AARS2: variants seen among roughly 807,000 people sequenced by gnomAD.
The protein encoded by AARS2 is alanine--tRNA ligase, mitochondrial.
Under a neutral mutation model 119.7 loss-of-function variants are expected in AARS2, and 78 were observed. The ratio of observed to expected loss-of-function variants is 0.65; its 90% CI spans 0.54 to 0.79. The LOEUF is 0.79. AARS2 is among the 30% of genes least tolerant of loss of function. AARS2 has a pLI of 0.00. For synonymous variants in AARS2, 502 were observed against 526.3 expected (o/e 0.95, Z 0.63); for missense variants, 1,157 against 1,291.3 (o/e 0.90, Z 1.59).
intron 5 of AARS2, among the ~76,000 whole-genome samples, chr6:44,308,037 C>A (rs567695206): frequency 6.6e-6 from 1 of 152,202 alleles, no homozygotes; most frequent in Non-Finnish European, 1.5e-5. Flanking sequence ...TTCCCCTACC[C>A]GTCATGATCC....
At position 44,311,953 on chromosome 6, in the gene AARS2, C is replaced by G. The variant is rs1057185279; in HGVS notation, c.435+119G>C. ...GGAGGTGAGGTAATTCCTGTTACAC[C>G]GGCTCAACTAGCACTTTGCCTCCAC... On this transcript the variant is annotated intron_variant, in intron 2 of 21. Coordinates refer to ENST00000244571, the MANE Select transcript of AARS2 (RefSeq NM_020745.4). 3 of 1,237,208 alleles carry G rather than the reference C, an allele frequency of 2.4e-6. No individual in the cohort carries two copies. The Admixed American group carries it at 5.0e-5, about 21-fold the overall frequency. The allele number at this position is 1,237,208 out of a possible 1,614,324, so 76.6% of individuals were successfully genotyped here.
chr6:44,301,569 C>G (rs1415207870), intron 19 of AARS2, 105 bp from the exon 20 acceptor site: 6 of 1,113,858 alleles, frequency 5.4e-6, no homozygotes, highest in Non-Finnish European at 8.0e-6. Flanking sequence ...CTGCTTCCCC[C>G]ACCCACCCCA....
Position 44,304,652 on chromosome 6 carries a change from C to T in AARS2, c.1745G>A (p.Gly582Glu). 1 of 1,614,202 alleles carries T rather than the reference C, an allele frequency of 6.2e-7. No individual in the cohort carries two copies. The highest frequency in any genetic ancestry group is 8.5e-7 in the Non-Finnish European group (1 of 1,180,054). Residue 582 changes from glycine (G) to glutamate (E), a missense_variant, in exon 12 of 22, where the codon GGG (glycine) becomes GAG (glutamate). By Grantham distance (98) the Gly-to-Glu change is moderately conservative (BLOSUM62 -2). Coordinates refer to ENST00000244571, the MANE Select transcript of AARS2 (RefSeq NM_020745.4). The part of the protein sequence containing the change: ...ASDRGYLVRA[G>E]QEDVLFPVAR... ...GTTGTGATGGAGACTCACCTCTTGC[C>T]CTGCCCGCACCAGGTAGCCACGGTC...
At chr6:44,312,039 T>C (rs1176698332) in intron 2 of AARS2, 33 bp downstream of exon 2, 2 of 1,609,868 alleles carry the variant, frequency 1.2e-6, no homozygotes, top group African/African-American at 1.3e-5. Context: ...ATTGACTCCC[T>C]TCTTGGCTGA....
rs1222513092 is a variant in AARS2 at position 44,305,037 on chromosome 6, T to G, written c.1579+17A>C. ...TCAGGCAAGCTTGTGGCGGCAGGCC[T>G]TGGTCCAGGCTCTCACCATAACTTC... On this transcript the variant is annotated intron_variant, in intron 11 of 21. Coordinates refer to ENST00000244571, the MANE Select transcript of AARS2 (RefSeq NM_020745.4). This position sits in a 1 kb window ranked among gnomAD's most constrained non-coding sequence, Gnocchi z 4.6. 6.2e-7 allele frequency: 1 copy of G among 1,613,984 alleles called. No individual in the cohort carries two copies. The highest frequency in any genetic ancestry group is 8.5e-7 in the Non-Finnish European group (1 of 1,180,022).
chr6:44,301,359 G>A, intron 20 of AARS2, 22 bp downstream of exon 20: 9 of 1,613,874 alleles, frequency 5.6e-6, no homozygotes, highest in Non-Finnish European at 7.6e-6. Flanking sequence ...CCCTGGGGCA[G>A]CCCGGCTTGG....
intron 5 of AARS2, among the ~76,000 whole-genome samples, chr6:44,309,981 A>G (rs377652386): frequency 2.0e-5 from 3 of 152,122 alleles, no homozygotes; most frequent in Non-Finnish European, 4.4e-5. Flanking sequence ...TTGATTGTCT[A>G]TCTCTCATGC....
Position 44,302,507 on chromosome 6 carries a change from C to T in AARS2, c.2371G>A (p.Glu791Lys), listed in dbSNP as rs1407477019. The T allele has an allele frequency of 2.5e-6, 4 of 1,614,082 alleles. No individual in the cohort carries two copies. The highest frequency in any genetic ancestry group is 3.4e-6 in the Non-Finnish European group (4 of 1,180,018). ...VTGEQAQQAR[E>K]LGQSLAQEVK... The stretch of plus-strand genomic sequence containing the variant: ...TCCTGGGCCAGGCTCTGGCCTAGCT[C>T]TCGGGCCTGCAGGGAGGGGACAGGA... The change falls in exon 18 of 22, where the codon GAG (glutamate) becomes AAG (lysine). Residue 791 changes from glutamate to lysine, a missense_variant. Physicochemically the swap from Glu to Lys is moderately conservative, Grantham distance 56. Coordinates refer to ENST00000244571, the MANE Select transcript of AARS2 (RefSeq NM_020745.4).
rs147804871 is a variant in AARS2 at position 44,309,767 on chromosome 6, C to T, written c.894+532G>A. Among the ~76,000 whole-genome samples, 250 of 152,218 alleles carry T rather than the reference C, an allele frequency of 1.6e-3. 1 individual carries two copies. Among genetic ancestry groups the T allele is most frequent in the Middle Eastern group, 6.8e-3 (2 of 294 alleles). Reference sequence around the variant, plus strand: ...TCCATCAGTACCAAGGCCCTTGGTACCTGCTGTCCCCTCTGCCTGGAAAGA... The same window carrying T: ...TCCATCAGTACCAAGGCCCTTGGTATCTGCTGTCCCCTCTGCCTGGAAAGA... On this transcript the variant is annotated intron_variant, in intron 5 of 21. Coordinates refer to ENST00000244571, the MANE Select transcript of AARS2 (RefSeq NM_020745.4).
rs1309379764 is a variant in AARS2, at chr6:44,304,440, C to T, written c.1846G>A (p.Val616Met). 62 of 1,614,070 alleles carry T rather than the reference C, an allele frequency of 3.8e-5. No individual in the cohort carries two copies. The highest frequency in any genetic ancestry group is 5.1e-5 in the Non-Finnish European group (60 of 1,180,032). Residue 616 changes from valine (V) to methionine (M), a missense_variant, in exon 13 of 22, where the codon GTG (valine) becomes ATG (methionine). By Grantham distance (21) the Val-to-Met change is conservative. Transcript: ENST00000244571. ...APECLRLGDQ[V>M]QLHVDEAWRL... ...CTTACCTCATCCACATGCAGCTGCA[C>T]CTGGTCCCCTAACCGCAGGCACTCA...
At position 44,302,129 on chromosome 6, in the gene AARS2, C is replaced by A; in HGVS notation, c.2529G>T (p.Glu843Asp). ...TAVMPQWQRR[E>D]LLATVKMLQR... ...GCAGCATCTTCACTGTGGCCAGCAG[C>A]TCCCGCCGCTGCCACTGGGGCATCA... Residue 843 changes from glutamate to aspartate, a missense_variant, in exon 19 of 22, where the codon GAG becomes GAT. By Grantham distance (45) the Glu-to-Asp change is conservative. Transcript: ENST00000244571. 1.2e-6 allele frequency: 2 copies of A among 1,613,190 alleles called. No homozygotes were observed. Among genetic ancestry groups the A allele is most frequent in the South Asian group, 1.1e-5 (1 of 91,088 alleles).
intron 5 of AARS2, among the ~76,000 whole-genome samples, chr6:44,308,407 C>T (rs942654289): frequency 2.0e-5 from 3 of 151,980 alleles, no homozygotes; most frequent in East Asian, 2.0e-4. Context: ...GGTGTGTTGG[C>T]GGGTGCCTGT....
At chr6:44,312,509 G>C (rs1164521371) in intron 1 of AARS2, among the ~76,000 whole-genome samples, 1 of 152,152 alleles carries the variant, frequency 6.6e-6, no homozygotes, top group African/African-American at 2.4e-5. Flanking sequence ...AAATAGGCAA[G>C]GTAAAAGAAG....
In AARS2 at chr6:44,313,143, A is replaced by T. The variant is rs1290666174; in HGVS notation, c.181T>A (p.Ser61Thr). 2 of 1,611,352 alleles carry T rather than the reference A, an allele frequency of 1.2e-6. No homozygotes were observed. The highest frequency in any genetic ancestry group is 1.7e-4 in the Middle Eastern group (1 of 6,052). Residue 61 changes from serine to threonine, a missense_variant, in exon 1 of 22, where the codon TCC (serine) becomes ACC (threonine). By Grantham distance (58) the Ser-to-Thr change is moderately conservative (BLOSUM62 1). Coordinates refer to ENST00000244571, the MANE Select transcript of AARS2 (RefSeq NM_020745.4). ...TCGCCGCGGGGCCGCACGGAAGCGG[A>T]GGGCACCAGCCGGTGGCCATGGCGG... ...RDRHGHRLVP[S>T]ASVRPRGDPS...
At chr6:44,301,898 G>T (rs1380070653) in intron 19 of AARS2, among the ~76,000 whole-genome samples, 162 bp downstream of exon 19, 1 of 151,812 alleles carries the variant, frequency 6.6e-6, no homozygotes, top group Non-Finnish European at 1.5e-5. Flanking sequence ...AGAAGTGGGG[G>T]AATGGCCTGG....
At position 44,307,075 on chromosome 6, in the gene AARS2, G is replaced by T. The variant is rs773499483; in HGVS notation, c.1041-44C>A. 2.5e-6 allele frequency: 4 copies of T among 1,607,916 alleles called. No homozygotes were observed. The highest frequency in any genetic ancestry group is 3.4e-6 in the Non-Finnish European group (4 of 1,174,920). On this transcript the variant is annotated intron_variant, in intron 6 of 21. Coordinates refer to ENST00000244571, the MANE Select transcript of AARS2 (RefSeq NM_020745.4). The surrounding 1 kb of genome is among the most constrained non-coding windows in gnomAD (Gnocchi z 4.4). ...CAGACATGAATCCCCAGCGGCTCAT[G>T]GTCAGCAATATGGGGAGTGGGAAGG... is the stretch of plus-strand genomic sequence containing the variant.
At position 44,305,707 on chromosome 6, in the gene AARS2, T is replaced by G; in HGVS notation, c.1380A>C (p.Lys460Asn). 1 of 1,614,118 alleles carries G rather than the reference T, an allele frequency of 6.2e-7. No homozygotes were observed. The highest frequency in any genetic ancestry group is 8.5e-7 in the Non-Finnish European group (1 of 1,180,008). Residue 460 changes from lysine (K) to asparagine (N), a missense_variant, in exon 10 of 22, where the codon AAA (lysine) becomes AAC (asparagine). Transcript: ENST00000244571. The surrounding 1 kb of genome is among the most constrained non-coding windows in gnomAD (Gnocchi z 4.6). ...GTCCAGCGGAGTCTAGCTGGACCCCTTTCTCCTCCAGCATCAGCTCTACCA... is the reference window on the plus strand; with the variant it reads ...GTCCAGCGGAGTCTAGCTGGACCCCGTTCTCCTCCAGCATCAGCTCTACCA... ...LDMVELMLEEKGVQLDSAGLE... is the reference protein window; with the variant it reads ...LDMVELMLEENGVQLDSAGLE...
At chr6:44,308,840 G>A (rs1247671603) in intron 5 of AARS2, among the ~76,000 whole-genome samples, 2 of 151,992 alleles carry the variant, frequency 1.3e-5, no homozygotes, top group Non-Finnish European at 2.9e-5. Context: ...GACCTCAAGC[G>A]ATCCGCCCCC....
At position 44,306,297 on chromosome 6, in the gene AARS2, G is replaced by A; in HGVS notation, c.1283C>T (p.Pro428Leu). 1 of 1,614,162 alleles carries A rather than the reference G, an allele frequency of 6.2e-7. No individual in the cohort carries two copies. Among genetic ancestry groups the A allele is most frequent in the Middle Eastern group, 1.6e-4 (1 of 6,062 alleles). Residue 428 changes from proline to leucine, a missense_variant, in exon 9 of 22, where the codon CCT becomes CTT. Coordinates refer to ENST00000244571, the MANE Select transcript of AARS2 (RefSeq NM_020745.4). ...CTGCTTACCAGGGAACATATCTGAA[G>A]GCCCCAGGGTCCTCAGAGTCCGATC... is the stretch of plus-strand genomic sequence containing the variant. ...IIDRTLRTLG[P>L]SDMFPAEVAW...
Sources: gnomAD v4.1 joint callset for allele counts (sites outside exome capture counted in the v4.1 genomes callset) on GRCh38, gnomAD v4.1.1 for gene constraint, Gnocchi (gnomAD v3.1) non-coding constraint, MANE v1.5 for transcripts, NCBI Gene and HGNC (gene_info 2026-07-23, HGNC 2026-07-21) for gene names.